CSNK1G1: variants seen among roughly 807,000 people sequenced by gnomAD.
The protein encoded by CSNK1G1 is casein kinase 1 gamma 1, also known as casein kinase I isoform gamma-1.
In CSNK1G1, 22 loss-of-function variants were observed where a neutral mutation model predicts 59.6. The observed-to-expected ratio is 0.37, with a 90% CI of 0.26 to 0.53. The LOEUF (loss-of-function observed/expected upper bound fraction) is 0.53. Among genes scored for constraint, CSNK1G1 ranks in the 20% least tolerant of loss-of-function variants. The pLI is 0.89. For synonymous variants in CSNK1G1, 179 were observed against 177.1 expected (o/e 1.01, Z -0.08); for missense variants, 384 against 519.5 (o/e 0.74, Z 2.54).
intron 2 of CSNK1G1, among the ~76,000 whole-genome samples, chr15:64,297,206 TA>T (rs1895073232): frequency 6.6e-6 from 1 of 152,012 alleles, no homozygotes; most frequent in East Asian, 1.9e-4. Flanking sequence ...ATGCAATGAA[TA>T]AAATAAAGCA....
chr15:64,173,078 A>G (rs1425659890), intron 11 of CSNK1G1, among the ~76,000 whole-genome samples: 2 of 152,252 alleles, frequency 1.3e-5, no homozygotes, highest in Admixed American at 1.3e-4. Context: ...CAGACTTGCT[A>G]GATCCTTGAA....
intron 3 of CSNK1G1, among the ~76,000 whole-genome samples, chr15:64,256,120 A>G (rs1892361343): frequency 6.6e-6 from 1 of 152,212 alleles, no homozygotes; most frequent in Non-Finnish European, 1.5e-5. Context: ...GAATTTTTCC[A>G]TTAGCAAAAT....
In CSNK1G1 at chr15:64,229,843, T is replaced by C. The variant is rs542128200; in HGVS notation, c.293-13130A>G. 1.2e-3 allele frequency among the ~76,000 whole-genome samples: 173 copies of C among 138,528 alleles called. 1 individual carries two copies. The highest frequency in any genetic ancestry group is 4.5e-3 in the African/African-American group (169 of 37,610). 90.9% of individuals were successfully genotyped at this position (138,528 alleles called of 152,430 possible). On this transcript the variant is annotated intron_variant, in intron 4 of 11. Transcript: ENST00000303052. ...TGGCAAATAAAAGCATCTAGACAAA[T>C]AGGCATGCAATACTACAAAAAAAAA... is the stretch of plus-strand genomic sequence containing the variant.
chr15:64,347,597 A>AC (rs1397564498), intron 1 of CSNK1G1, among the ~76,000 whole-genome samples: 2 of 150,966 alleles, frequency 1.3e-5, no homozygotes, highest in Non-Finnish European at 3.0e-5. Flanking sequence ...AAAAAAAAAA[A>AC]AAGAAAGAAA....
chr15:64,310,591 C>G (rs1410835404), intron 1 of CSNK1G1, among the ~76,000 whole-genome samples: 1 of 151,764 alleles, frequency 6.6e-6, no homozygotes, highest in South Asian at 2.1e-4. Context: ...GTGGTGTGTA[C>G]CTATAGTCCC....
intron 2 of CSNK1G1, among the ~76,000 whole-genome samples, chr15:64,269,898 G>A (rs1893191470): frequency 6.6e-6 from 1 of 151,908 alleles, no homozygotes; most frequent in Non-Finnish European, 1.5e-5. Context: ...CCACCTCCCA[G>A]GCTCAAGTGA....
chr15:64,238,865 C>T (rs1041239842), intron 4 of CSNK1G1, among the ~76,000 whole-genome samples: 10 of 152,016 alleles, frequency 6.6e-5, no homozygotes, highest in African/African-American at 2.4e-4. Context: ...GGATCCTAGT[C>T]TCACGGCTGC....
chr15:64,308,868 G>C (rs973849563), intron 1 of CSNK1G1, among the ~76,000 whole-genome samples: 1 of 148,752 alleles, frequency 6.7e-6, no homozygotes, highest in Non-Finnish European at 1.5e-5. Flanking sequence ...CTGCACTCCA[G>C]CCTGGGCGAC....
At position 64,168,826 on chromosome 15, in the gene CSNK1G1, G is replaced by GT. The variant is rs1438464980; in HGVS notation, c.*3104dup. On this transcript the variant is annotated 3_prime_UTR_variant, in exon 12 of 12. Transcript: ENST00000303052. ...GGCCAATTGCATCTAGGGTACTCAGGTTTTTTGCTTATTTTTAAGGAAGAT... is the reference window on the plus strand; with the variant it reads ...GGCCAATTGCATCTAGGGTACTCAGGTTTTTTTGCTTATTTTTAAGGAAGAT... 2 of 152,178 alleles carry GT rather than the reference G, an allele frequency of 1.3e-5. No homozygotes were observed. Among genetic ancestry groups the GT allele is most frequent in the South Asian group, 4.1e-4 (2 of 4,826 alleles). 9.4% of individuals were successfully genotyped at this position (152,178 alleles called of 1,614,324 possible).
intron 1 of CSNK1G1, among the ~76,000 whole-genome samples, chr15:64,352,317 G>T (rs2140496388): frequency 6.6e-6 from 1 of 151,388 alleles, no homozygotes; most frequent in South Asian, 2.1e-4. Flanking sequence ...AAAAAAAAGT[G>T]AAAAGATAAA....
chr15:64,190,118 C>T (rs1334025863), intron 10 of CSNK1G1, among the ~76,000 whole-genome samples: 1 of 152,054 alleles, frequency 6.6e-6, no homozygotes, highest in African/African-American at 2.4e-5. Flanking sequence ...CCACGCCTGG[C>T]CAATTTACTC....
chr15:64,212,474 G>C (rs1425066540), intron 6 of CSNK1G1, among the ~76,000 whole-genome samples: 1 of 152,146 alleles, frequency 6.6e-6, no homozygotes, highest in African/African-American at 2.4e-5. Flanking sequence ...CAGTGTGTTG[G>C]GAGGCTGAGG....
chr15:64,268,711 G>A (rs917328224), intron 2 of CSNK1G1, among the ~76,000 whole-genome samples: 4 of 152,122 alleles, frequency 2.6e-5, no homozygotes, highest in African/African-American at 9.7e-5. Flanking sequence ...CCCAGGATAA[G>A]TGAATGTGGG....
intron 1 of CSNK1G1, among the ~76,000 whole-genome samples, chr15:64,310,732 C>A (rs1306756300): frequency 1.3e-5 from 2 of 151,988 alleles, no homozygotes; most frequent in African/African-American, 2.4e-5. Context: ...AGAGGCCGGG[C>A]ACAGCGGCTC....
At chr15:64,333,427 C>A (rs1419111371) in intron 1 of CSNK1G1, among the ~76,000 whole-genome samples, 1 of 48,714 alleles carries the variant, frequency 2.1e-5, no homozygotes. Context: ...CAGTGAGACA[C>A]CATCTCAAAA....
chr15:64,209,406 T>A (rs1261936550), intron 6 of CSNK1G1, among the ~76,000 whole-genome samples: 4 of 152,040 alleles, frequency 2.6e-5, no homozygotes, highest in African/African-American at 9.7e-5. Context: ...GGAATTTGCA[T>A]GAAAAAGAAT....
At position 64,211,046 on chromosome 15, in the gene CSNK1G1, C is replaced by G. The variant is rs535122353; in HGVS notation, c.679+2844G>C. Reference sequence around the variant, plus strand: ...ACCAGATGCAGATGCCAGTGCCATGCTTCTTGTACAGCCTGCAGAACCCTG... The same window carrying G: ...ACCAGATGCAGATGCCAGTGCCATGGTTCTTGTACAGCCTGCAGAACCCTG... On this transcript the variant is annotated intron_variant, in intron 6 of 11. Transcript: ENST00000303052. Among the ~76,000 whole-genome samples the G allele has an allele frequency of 2.6e-4, 39 of 152,284 alleles. No homozygotes were observed. In the East Asian group the frequency reaches 7.3e-3, roughly 29 times the overall value.
chr15:64,205,028 G>T (rs1300328713), intron 7 of CSNK1G1, 79 bp from the exon 8 acceptor site: 6 of 774,654 alleles, frequency 7.7e-6, no homozygotes, highest in Non-Finnish European at 1.3e-5. Flanking sequence ...GGACACAATG[G>T]TTGTTTCACT....
chr15:64,173,684 G>A (rs189956382), intron 11 of CSNK1G1, among the ~76,000 whole-genome samples: 2 of 142,426 alleles, frequency 1.4e-5, no homozygotes, highest in Non-Finnish European at 1.5e-5. Flanking sequence ...GTGCAATGGC[G>A]CCATCTCTGC....
Sources: allele counts gnomAD v4.1 joint callset (sites outside exome capture counted in the v4.1 genomes callset), GRCh38; gene constraint gnomAD v4.1.1; transcripts MANE v1.5; gene names NCBI Gene and HGNC (gene_info 2026-07-23, HGNC 2026-07-21).